CA10: variants seen among roughly 807,000 people sequenced by gnomAD.
The protein encoded by CA10 is carbonic anhydrase 10 (inactive).
CA10 carries 14 observed loss-of-function variants against 44.2 expected under a neutral mutation model. The ratio of observed to expected loss-of-function variants is 0.32; its 90% CI spans 0.21 to 0.50. The LOEUF (loss-of-function observed/expected upper bound fraction) is 0.50, where lower values mean the gene tolerates loss of function less well. CA10 is among the 20% of genes least tolerant of loss of function. CA10 has a pLI of 0.99. For synonymous variants in CA10, 159 were observed against 141.6 expected, an observed-to-expected ratio of 1.12 and a Z score of -0.87; for missense variants, 350 against 409.7, an observed-to-expected ratio of 0.85 and a Z score of 1.26.
At chr17:52,055,381 T>C (rs1987199879) in intron 2 of CA10, among the ~76,000 whole-genome samples, 1 of 149,426 alleles carries the variant, frequency 6.7e-6, no homozygotes, top group South Asian at 2.1e-4. Flanking sequence ...AACTTAAATA[T>C]GGAGTTTCCA....
rs769454483 is a variant in CA10, at chr17:51,931,000, C to A, written c.269G>T (p.Gly90Val). Residue 90 changes from glycine to valine, a missense_variant, in exon 3 of 9, where the codon GGG becomes GTG. By Grantham distance (109) the Gly-to-Val change is moderately radical. Coordinates refer to ENST00000451037, the MANE Select transcript of CA10 (RefSeq NM_020178.5). ...PFLTPLRINT[G>V]GRKVSGTMYN... ...AATATGGTGGCTTACCTTCCTGCCC[C>A]CCGTGTTGATGCGAAGAGGTGTCAG... The A allele has an allele frequency of 1.9e-6, 3 of 1,613,010 alleles. No individual in the cohort carries two copies. Among genetic ancestry groups the A allele is most frequent in the East Asian group, 2.2e-5 (1 of 44,848 alleles).
intron 3 of CA10, among the ~76,000 whole-genome samples, chr17:51,847,374 T>A (rs559092684): frequency 1.3e-5 from 2 of 152,298 alleles, no homozygotes; most frequent in South Asian, 4.2e-4. Flanking sequence ...TCACAGCAGC[T>A]TTTGACAGCC....
intron 4 of CA10, among the ~76,000 whole-genome samples, chr17:51,719,704 T>C (rs1029527213): frequency 3.3e-5 from 5 of 151,886 alleles, no homozygotes; most frequent in African/African-American, 1.2e-4. Flanking sequence ...CTGGGCAGCA[T>C]AGTGAGATCG....
intron 4 of CA10, among the ~76,000 whole-genome samples, chr17:51,678,321 T>C (rs141778759): frequency 6.6e-6 from 1 of 152,312 alleles, no homozygotes; most frequent in African/African-American, 2.4e-5. Flanking sequence ...CTGTGCTAAG[T>C]GCCATTAAAT....
At position 51,797,808 on chromosome 17, in the gene CA10, G is replaced by A. The variant is rs143265267; in HGVS notation, c.280-49990C>T. Among the ~76,000 whole-genome samples the A allele has an allele frequency of 8.3e-3, 1,078 of 129,242 alleles. 16 individuals are homozygous for A. Among genetic ancestry groups the A allele is most frequent in the African/African-American group, 0.03 (1,034 of 34,614 alleles). 84.8% of individuals were successfully genotyped at this position (129,242 alleles called of 152,430 possible). A position where few individuals can be genotyped will look rare whatever the true frequency, so the allele number is the denominator to read the frequency against. On this transcript the variant is annotated intron_variant, in intron 3 of 8. Transcript: ENST00000451037. ...AGAGGTTGCAGTGAGCGGAGATTGC[G>A]CCACTGCACACCTGCCTGGGTGACA... is the stretch of plus-strand genomic sequence containing the variant.
chr17:52,126,534 T>C (rs1256667318), intron 1 of CA10, among the ~76,000 whole-genome samples: 4 of 152,242 alleles, frequency 2.6e-5, no homozygotes, highest in Admixed American at 6.5e-5. Flanking sequence ...CTTGAAAGCA[T>C]CAATCTCTAG....
chr17:51,757,924 G>A (rs1436513618), intron 3 of CA10, among the ~76,000 whole-genome samples: 3 of 152,106 alleles, frequency 2.0e-5, no homozygotes, highest in Non-Finnish European at 4.4e-5. Flanking sequence ...GAGCTCGTAG[G>A]CTGGGGCTGT....
intron 2 of CA10, among the ~76,000 whole-genome samples, chr17:51,962,323 G>T (rs1004241329): frequency 6.6e-6 from 1 of 152,196 alleles, no homozygotes; most frequent in Admixed American, 6.5e-5. Flanking sequence ...TGGGGGCTTG[G>T]TGGCCCTTCA....
chr17:51,635,226 G>A (rs1277897038), intron 7 of CA10, among the ~76,000 whole-genome samples: 2 of 152,120 alleles, frequency 1.3e-5, no homozygotes, highest in South Asian at 2.1e-4. Context: ...AAAGATGGAG[G>A]TAGAGGCTGG....
chr17:51,787,782 C>T (rs1341660253), intron 3 of CA10, among the ~76,000 whole-genome samples: 3 of 152,214 alleles, frequency 2.0e-5, no homozygotes, highest in Non-Finnish European at 2.9e-5. Context: ...GCGTAAGCCA[C>T]TCCCCCTGGC....
At chr17:51,665,123 G>A (rs958640301) in intron 4 of CA10, among the ~76,000 whole-genome samples, 4 of 152,050 alleles carry the variant, frequency 2.6e-5, no homozygotes, top group Non-Finnish European at 5.9e-5. Flanking sequence ...AACAGAGGAG[G>A]GTTTTCTCTC....
chr17:51,697,604 A>G (rs1488915845), intron 4 of CA10, among the ~76,000 whole-genome samples: 2 of 152,154 alleles, frequency 1.3e-5, no homozygotes, highest in Admixed American at 6.5e-5. Flanking sequence ...GAGACGTTGT[A>G]TTTATTAATT....
intron 4 of CA10, among the ~76,000 whole-genome samples, chr17:51,685,967 C>A (rs1914994536): frequency 1.3e-5 from 2 of 152,160 alleles, no homozygotes; most frequent in African/African-American, 2.4e-5. Flanking sequence ...ACCTGGGGTG[C>A]CCCAGGGATT....
chr17:52,142,027 TTC>T (rs535359594), intron 1 of CA10, among the ~76,000 whole-genome samples: 3 of 152,190 alleles, frequency 2.0e-5, no homozygotes, highest in Non-Finnish European at 4.4e-5. Flanking sequence ...CATAACAGTG[TTC>T]ACAAAGAAGC....
intron 4 of CA10, among the ~76,000 whole-genome samples, chr17:51,697,667 G>A (rs183571422): frequency 1.8e-4 from 27 of 152,258 alleles, no homozygotes; most frequent in Admixed American, 5.9e-4. Context: ...CAGGGTCTTC[G>A]TGTTTTACAC....
intron 3 of CA10, among the ~76,000 whole-genome samples, chr17:51,918,753 A>T (rs1182286963): frequency 6.6e-6 from 1 of 152,184 alleles, no homozygotes; most frequent in Non-Finnish European, 1.5e-5. Context: ...TATGAGAAAA[A>T]CAGATATTAG....
chr17:51,999,949 G>C (rs1385192843), intron 2 of CA10, among the ~76,000 whole-genome samples: 2 of 151,970 alleles, frequency 1.3e-5, no homozygotes, highest in Non-Finnish European at 2.9e-5. Context: ...CTCTGACAAT[G>C]AGCAATCCTA....
intron 3 of CA10, among the ~76,000 whole-genome samples, chr17:51,876,318 C>T (rs1250727146): frequency 2.0e-5 from 3 of 150,780 alleles, no homozygotes; most frequent in Admixed American, 2.0e-4. Context: ...AGGTGCATGC[C>T]ACCACACCCA....
chr17:51,983,353 C>G (rs1293904017), intron 2 of CA10, among the ~76,000 whole-genome samples: 1 of 151,820 alleles, frequency 6.6e-6, no homozygotes, highest in Non-Finnish European at 1.5e-5. Flanking sequence ...TTATTGTACA[C>G]AATCTCTCTC....
Sources: gnomAD v4.1 joint callset for allele counts (sites outside exome capture counted in the v4.1 genomes callset) on GRCh38, gnomAD v4.1.1 for gene constraint, MANE v1.5 for transcripts, NCBI Gene and HGNC (gene_info 2026-07-23, HGNC 2026-07-21) for gene names.